The following CTBP1 variants were observed in gnomAD, a reference collection of about 807,000 sequenced individuals.
The protein encoded by CTBP1 is C-terminal binding protein 1.
A neutral mutation model predicts 42.1 loss-of-function variants in CTBP1; 11 were observed. The ratio of observed to expected loss-of-function variants is 0.26; its 90% CI spans 0.16 to 0.43. The LOEUF is 0.43. CTBP1 is among the 20% of genes least tolerant of loss of function. The pLI, the probability that CTBP1 is intolerant of heterozygous loss-of-function variation, is 1.00. For synonymous variants in CTBP1, 324 were observed against 277.1 expected (o/e 1.17, Z -1.68); for missense variants, 399 against 624.3 (o/e 0.64, Z 3.85).
At chr4:1,244,677 G>A in intron 1 of CTBP1, 1 of 985,366 alleles carries the variant, frequency 1.0e-6, no homozygotes, top group Non-Finnish European at 1.2e-6. Context: ...GCACCCTAAG[G>A]CTGGGTGGTC....
chr4:1,240,124 T>TG (rs1732010453), intron 2 of CTBP1, among the ~76,000 whole-genome samples: 1 of 151,724 alleles, frequency 6.6e-6, no homozygotes, highest in South Asian at 2.1e-4. Context: ...CAGAACCGCC[T>TG]GGGGGGACTC....
At chr4:1,236,992 T>C (rs2108780938) in intron 3 of CTBP1, 1 of 669,468 alleles carries the variant, frequency 1.5e-6, no homozygotes, top group South Asian at 1.6e-5. Flanking sequence ...AAACCGAGCG[T>C]CCATCTCCTG....
chr4:1,234,258 G>A (rs148556939), intron 3 of CTBP1, among the ~76,000 whole-genome samples: 2 of 152,226 alleles, frequency 1.3e-5, no homozygotes, highest in Non-Finnish European at 1.5e-5. Context: ...ATGTCCCTGT[G>A]TCTTTGAGCT....
rs199794797 is a variant in CTBP1, at chr4:1,241,311, G to A, written c.7+14C>T. 1.1e-3 allele frequency: 881 copies of A among 827,564 alleles called. 4 individuals are homozygous for A. In the African/African-American group the frequency reaches 0.013, roughly 12 times the overall value. 51.3% of individuals were successfully genotyped at this position (827,564 alleles called of 1,614,324 possible). ...GGCTTCACTCTGCCGCCGACGCCAG[G>A]AACCCCTACCAACCTGACATCTCTT... On this transcript the variant is annotated intron_variant, in intron 2 of 9. Coordinates refer to ENST00000382952, the MANE Select transcript of CTBP1 (RefSeq NM_001012614.2).
intron 1 of CTBP1, chr4:1,242,978 G>A (rs182331569): frequency 1.5e-5 from 15 of 984,816 alleles, no homozygotes; most frequent in Admixed American, 1.2e-4. Context: ...AACGCCAACC[G>A]ATACTCATCA....
intron 4 of CTBP1, 93 bp downstream of exon 4, chr4:1,228,106 G>T: frequency 1.3e-6 from 2 of 1,518,310 alleles, no homozygotes; most frequent in Non-Finnish European, 1.8e-6. Context: ...GTGCAACGGG[G>T]TCCTCAGTGT....
rs766839962 is a variant in CTBP1, at chr4:1,233,219, C to A, written c.163-4876G>T. Reference sequence around the variant, plus strand: ...CAGCAAGAGACCGAGGGGCTCCAGGCCTGTCCTACACTCCATTACCATGAC... The same window carrying A: ...CAGCAAGAGACCGAGGGGCTCCAGGACTGTCCTACACTCCATTACCATGAC... On this transcript the variant is annotated intron_variant, in intron 3 of 9. Coordinates refer to ENST00000382952, the MANE Select transcript of CTBP1 (RefSeq NM_001012614.2). The surrounding 1 kb of genome is among the most constrained non-coding windows in gnomAD (Gnocchi z 4.6). The A allele has an allele frequency of 2.6e-5, 4 of 152,244 alleles. No homozygotes were observed. Among genetic ancestry groups the A allele is most frequent in the Non-Finnish European group, 5.9e-5 (4 of 68,070 alleles). The allele number at this position is 152,244 out of a possible 1,614,324, so 9.4% of individuals were successfully genotyped here. A position where few individuals can be genotyped will look rare whatever the true frequency, so the allele number is the denominator to read the frequency against.
intron 5 of CTBP1, among the ~76,000 whole-genome samples, chr4:1,224,733 C>T (rs1213383045): frequency 1.3e-5 from 2 of 149,742 alleles, no homozygotes; most frequent in African/African-American, 2.5e-5. Context: ...AGGCTGTGTG[C>T]TGTGACATCT....
Position 1,225,354 on chromosome 4 carries a change from A to G in CTBP1, c.514+6T>C. The G allele has an allele frequency of 1.3e-6, 2 of 1,546,656 alleles. No individual in the cohort carries two copies. The highest frequency in any genetic ancestry group is 2.4e-5 in the South Asian group (2 of 84,428). On this transcript the variant is annotated splice_donor_region_variant and intron_variant, in intron 5 of 9. Transcript: ENST00000382952. ...GGACACAGGCGTGGAGCTGCGGCCG[A>G]CGCACCAAGTCCGATGATGCCCAAG...
chr4:1,230,030 G>GT (rs1321049988), intron 3 of CTBP1, among the ~76,000 whole-genome samples: 3 of 152,206 alleles, frequency 2.0e-5, no homozygotes, highest in Non-Finnish European at 4.4e-5. Flanking sequence ...ACAGGTGTGT[G>GT]TAACACTCAT....
chr4:1,231,624 G>A (rs867198374), intron 3 of CTBP1, among the ~76,000 whole-genome samples: 5 of 152,246 alleles, frequency 3.3e-5, no homozygotes, highest in Non-Finnish European at 5.9e-5. Context: ...AGGACTCGAC[G>A]TCGCACTTAC....
chr4:1,226,685 G>A (rs996958186), intron 4 of CTBP1, among the ~76,000 whole-genome samples: 1 of 151,418 alleles, frequency 6.6e-6, no homozygotes, highest in African/African-American at 2.4e-5. Context: ...TAAACAGCAG[G>A]GACCCCTCAA....
chr4:1,214,289 C>T (rs576233940), intron 7 of CTBP1, 54 bp downstream of exon 7: 23 of 1,492,756 alleles, frequency 1.5e-5, no homozygotes, highest in African/African-American at 5.9e-5. Flanking sequence ...AGGTCAAGGC[C>T]GGCAGGATGG....
At chr4:1,245,437 C>A in intron 1 of CTBP1, 1 of 985,432 alleles carries the variant, frequency 1.0e-6, no homozygotes, top group Non-Finnish European at 1.2e-6. Context: ...CCCTTCCCAA[C>A]ACAGTCTACA....
At chr4:1,237,062 TG>T in intron 3 of CTBP1, 1 of 671,564 alleles carries the variant, frequency 1.5e-6, no homozygotes, top group Non-Finnish European at 2.7e-6. Flanking sequence ...AAACCGAGTG[TG>T]GGGCTCAGGG....
rs1353976674 is a variant in CTBP1 at position 1,243,169 on chromosome 4, C to T, written c.-188-1650G>A. 4 of 985,356 alleles carry T rather than the reference C, an allele frequency of 4.1e-6. No individual in the cohort carries two copies. In the African/African-American group the frequency reaches 5.2e-5, roughly 13 times the overall value. The allele number at this position is 985,356 out of a possible 1,614,324, so 61.0% of individuals were successfully genotyped here. On this transcript the variant is annotated intron_variant, in intron 1 of 9. Transcript: ENST00000382952. ...AATACTGCCCACAGCAGCATGGCAC[C>T]AGCCGCTGCTCCTGGAGGATCATCG...
upstream of CTBP1, chr4:1,249,725 C>T (rs941708965): frequency 1.3e-5 from 5 of 394,626 alleles, no homozygotes; most frequent in Non-Finnish European, 2.1e-5. Context: ...GCGGGGGAGC[C>T]CCGACTCCTG....
intron 1 of CTBP1, chr4:1,245,170 G>A (rs1421577986): frequency 2.0e-6 from 2 of 985,370 alleles, no homozygotes; most frequent in African/African-American, 3.5e-5. Context: ...TTGGACGGCA[G>A]CATCCCTGTG....
intron 1 of CTBP1, chr4:1,245,189 A>G: frequency 3.0e-6 from 3 of 985,420 alleles, no homozygotes; most frequent in Non-Finnish European, 3.6e-6. Context: ...TGAGCCAGGG[A>G]GCCACCGCAC....
Sources: allele counts gnomAD v4.1 joint callset (sites outside exome capture counted in the v4.1 genomes callset), GRCh38; gene constraint gnomAD v4.1.1; non-coding constraint Gnocchi (gnomAD v3.1); transcripts MANE v1.5; gene names NCBI Gene and HGNC (gene_info 2026-07-23, HGNC 2026-07-21).